Variants in SGCZ observed in about 807,000 individuals in gnomAD.
SGCZ encodes the protein sarcoglycan zeta.
SGCZ carries 40 observed loss-of-function variants against 41.3 expected under a neutral mutation model. The observed-to-expected ratio is 0.97, with a 90% confidence interval of 0.75 to 1.26. The LOEUF (loss-of-function observed/expected upper bound fraction) is 1.26. Ranked by LOEUF, SGCZ falls within the 50% of genes most tolerant of loss-of-function variation. The pLI is 0.00. For synonymous variants in SGCZ, 206 were observed against 137.5 expected, an observed-to-expected ratio of 1.50 and a Z score of -3.49; for missense variants, 552 against 369.8, an observed-to-expected ratio of 1.49 and a Z score of -4.04.
chr8:15,044,974 T>A (rs1804247744), intron 1 of SGCZ, among the ~76,000 whole-genome samples: 1 of 152,146 alleles, frequency 6.6e-6, no homozygotes, highest in African/African-American at 2.4e-5. Flanking sequence ...GTAAAGCTCA[T>A]TAAAATCATT....
chr8:14,455,036 C>A (rs1428691649), intron 2 of SGCZ, among the ~76,000 whole-genome samples: 1 of 152,004 alleles, frequency 6.6e-6, no homozygotes, highest in African/African-American at 2.4e-5. Flanking sequence ...TCTGACTACA[C>A]AAATCTTTTA....
intron 1 of SGCZ, among the ~76,000 whole-genome samples, chr8:15,180,749 T>C (rs984531406): frequency 1.4e-5 from 2 of 142,848 alleles, no homozygotes; most frequent in Non-Finnish European, 3.1e-5. Context: ...TAGCCGGGCA[T>C]GGTGGTGGGC....
intron 1 of SGCZ, among the ~76,000 whole-genome samples, chr8:14,600,675 T>A (rs1443832258): frequency 6.6e-6 from 1 of 152,204 alleles, no homozygotes; most frequent in Non-Finnish European, 1.5e-5. Flanking sequence ...CATACCGCAC[T>A]CTGATTCAGC....
intron 7 of SGCZ, among the ~76,000 whole-genome samples, chr8:14,099,118 A>C (rs1801933048): frequency 6.6e-6 from 1 of 152,172 alleles, no homozygotes; most frequent in Admixed American, 6.5e-5. Flanking sequence ...TCATAAGATT[A>C]AAGGGGCTGC....
intron 3 of SGCZ, among the ~76,000 whole-genome samples, chr8:14,261,398 T>C (rs1799660985): frequency 1.3e-5 from 2 of 152,198 alleles, no homozygotes; most frequent in Non-Finnish European, 2.9e-5. Context: ...ACAGTTTATG[T>C]TCTTGTTGTT....
intron 1 of SGCZ, among the ~76,000 whole-genome samples, chr8:14,716,955 CA>C (rs1480688298): frequency 2.0e-5 from 3 of 151,948 alleles, no homozygotes; most frequent in African/African-American, 7.3e-5. Flanking sequence ...ATTAATAATA[CA>C]TGAGATGATT....
At chr8:14,194,942 G>A (rs563439771) in intron 4 of SGCZ, among the ~76,000 whole-genome samples, 18 of 151,988 alleles carry the variant, frequency 1.2e-4, no homozygotes, top group East Asian at 3.9e-4. Flanking sequence ...GAAACCTCAC[G>A]TGCAGAATTC....
intron 1 of SGCZ, among the ~76,000 whole-genome samples, chr8:15,061,110 TAGCCAGCTACTATAATCTG>T (rs1804908180): frequency 6.6e-6 from 1 of 151,248 alleles, no homozygotes; most frequent in Non-Finnish European, 1.5e-5. Flanking sequence ...TATCAAATGT[TAGCCAGCTACTATAATCTG>T]AATGTATCCC....
chr8:14,310,096 A>G (rs550529521), intron 3 of SGCZ, among the ~76,000 whole-genome samples: 12 of 152,244 alleles, frequency 7.9e-5, no homozygotes, highest in Admixed American at 6.5e-4. Flanking sequence ...GGTTTGAAAG[A>G]TTATGATGCA....
intron 2 of SGCZ, among the ~76,000 whole-genome samples, chr8:14,351,021 G>T (rs143080211): frequency 6.6e-5 from 10 of 152,176 alleles, no homozygotes; most frequent in African/African-American, 2.4e-4. Flanking sequence ...CTCAGCTTTT[G>T]CTGTACAACT....
At chr8:14,988,181 T>C (rs1295305227) in intron 1 of SGCZ, among the ~76,000 whole-genome samples, 1 of 151,872 alleles carries the variant, frequency 6.6e-6, no homozygotes, top group Non-Finnish European at 1.5e-5. Flanking sequence ...ATCTGTGATA[T>C]CCAAACAGTA....
chr8:14,773,292 T>C (rs570606713), intron 1 of SGCZ, among the ~76,000 whole-genome samples: 1 of 152,214 alleles, frequency 6.6e-6, no homozygotes. Context: ...CCTTTAATTT[T>C]TCTTGGGCAC....
At chr8:14,915,479 G>C (rs958110617) in intron 1 of SGCZ, among the ~76,000 whole-genome samples, 2 of 152,112 alleles carry the variant, frequency 1.3e-5, no homozygotes, top group African/African-American at 2.4e-5. Context: ...CTCTCAGCTT[G>C]CACGGGTGAA....
chr8:14,362,733 C>T lies in SGCZ; in HGVS notation c.235-38529G>A, dbSNP rs546571428. Among the ~76,000 whole-genome samples the T allele has an allele frequency of 3.9e-5, 6 of 152,266 alleles. No homozygotes were observed. In the South Asian group the frequency reaches 8.3e-4, roughly 21 times the overall value. The stretch of plus-strand genomic sequence containing the variant: ...ACCAACCAGTCCCAGTGAGGTGAAC[C>T]AGTGCCTGAGATGAAAATGCAGAAA... On this transcript the variant is annotated intron_variant, in intron 2 of 7. Coordinates refer to ENST00000382080, the MANE Select transcript of SGCZ (RefSeq NM_139167.4).
At chr8:14,596,296 T>C (rs1293919678) in intron 1 of SGCZ, among the ~76,000 whole-genome samples, 2 of 152,194 alleles carry the variant, frequency 1.3e-5, no homozygotes, top group Admixed American at 6.5e-5. Context: ...GAATTTTGCC[T>C]AGTATATAGG....
At chr8:14,785,031 G>T (rs1009200169) in intron 1 of SGCZ, among the ~76,000 whole-genome samples, 4 of 142,654 alleles carry the variant, frequency 2.8e-5, no homozygotes, top group African/African-American at 1.0e-4. Context: ...ATCTGATCAA[G>T]AAAAAGGATT....
chr8:14,269,824 G>A (rs565102625), intron 3 of SGCZ, among the ~76,000 whole-genome samples: 28 of 152,176 alleles, frequency 1.8e-4, no homozygotes, highest in Non-Finnish European at 2.5e-4. Flanking sequence ...GTCTGCATAC[G>A]TTTTTGCTTG....
intron 1 of SGCZ, among the ~76,000 whole-genome samples, chr8:14,687,129 A>G (rs144625032): frequency 0.017 from 2,493 of 149,434 alleles, 43 homozygotes; most frequent in South Asian, 0.084. Context: ...CCTTAACAAC[A>G]GTTCATTTCC....
intron 2 of SGCZ, among the ~76,000 whole-genome samples, chr8:14,421,721 C>A (rs897057244): frequency 6.6e-6 from 1 of 152,118 alleles, no homozygotes; most frequent in African/African-American, 2.4e-5. Context: ...TGGTTTAATT[C>A]ATCCCAAGCG....
Sources: gnomAD v4.1 joint callset for allele counts (sites outside exome capture counted in the v4.1 genomes callset) on GRCh38, gnomAD v4.1.1 for gene constraint, MANE v1.5 for transcripts, NCBI Gene and HGNC (gene_info 2026-07-23, HGNC 2026-07-21) for gene names.